SNX29: variants seen among roughly 807,000 people sequenced by gnomAD.
SNX29 encodes sorting nexin-29.
A neutral mutation model predicts 102.1 loss-of-function variants in SNX29; 78 were observed. The observed-to-expected ratio is 0.76, with a 90% CI of 0.64 to 0.92. The LOEUF is 0.92. Among genes scored for constraint, SNX29 ranks in the 40% least tolerant of loss-of-function variants. The pLI, the probability that SNX29 is intolerant of heterozygous loss-of-function variation, is 0.00. For synonymous variants in SNX29, 580 were observed against 414.5 expected, an observed-to-expected ratio of 1.40 and a Z score of -4.85; for missense variants, 1,280 against 1,061.7, an observed-to-expected ratio of 1.21 and a Z score of -2.86.
intron 9 of SNX29, among the ~76,000 whole-genome samples, chr16:12,067,156 G>C (rs1160582263): frequency 6.6e-6 from 1 of 152,070 alleles, no homozygotes; most frequent in Non-Finnish European, 1.5e-5. Context: ...CTGCTCTCCA[G>C]CCTGGGTGAC....
chr16:11,982,145 A>G (rs1033591005), intron 1 of SNX29, among the ~76,000 whole-genome samples: 1 of 152,192 alleles, frequency 6.6e-6, no homozygotes, highest in African/African-American at 2.4e-5. Flanking sequence ...ATATGTATGT[A>G]GACCTAAAAA....
In SNX29 at chr16:12,139,193, T is replaced by TAAAAA. The variant is rs34808071; in HGVS notation, c.1595+9460_1595+9464dup. The stretch of plus-strand genomic sequence containing the variant: ...GAGCCTGGGCGATAGAGCGAGACTC[T>TAAAAA]AAAAAAAAAAAAAAAAAAAAAAAAA... On this transcript the variant is annotated intron_variant, in intron 13 of 20. Coordinates refer to ENST00000566228, the MANE Select transcript of SNX29 (RefSeq NM_032167.5). Among the ~76,000 whole-genome samples, 49 of 66,154 alleles carry TAAAAA rather than the reference T, an allele frequency of 7.4e-4. 1 individual carries two copies. The highest frequency in any genetic ancestry group is 3.1e-3 in the African/African-American group (47 of 15,044). 43.4% of individuals were successfully genotyped at this position (66,154 alleles called of 152,430 possible).
intron 18 of SNX29, among the ~76,000 whole-genome samples, chr16:12,421,271 T>TA (rs1472484043): frequency 2.0e-5 from 3 of 152,196 alleles, no homozygotes; most frequent in African/African-American, 2.4e-5. Flanking sequence ...AGGCTACTCC[T>TA]AAGAGCCAAG....
chr16:12,524,654 C>A, intron 19 of SNX29, 48 bp from the exon 20 acceptor site: 1 of 1,594,092 alleles, frequency 6.3e-7, no homozygotes, highest in Non-Finnish European at 8.6e-7. Flanking sequence ...TCATTTCTGA[C>A]CAGGTGAGGA....
Position 12,048,559 on chromosome 16 carries a change from C to G in SNX29, c.687C>G (p.Ile229Met), listed in dbSNP as rs267604409. The G allele has an allele frequency of 5.0e-6, 8 of 1,613,860 alleles. No individual in the cohort carries two copies. In the South Asian group the frequency reaches 7.7e-5, roughly 16 times the overall value. ...TCACAGCCTCCTCTGCCGTCTCCAT[C>G]CTCATCAAACCTGAACAGGAGACCG... The part of the protein sequence containing the change: ...REITASSAVS[I>M]LIKPEQETDP... Residue 229 changes from isoleucine (I) to methionine (M), a missense_variant, in exon 7 of 21, where the codon ATC becomes ATG. Ile to Met is a conservative substitution (Grantham distance 10, BLOSUM62 1). Coordinates refer to ENST00000566228, the MANE Select transcript of SNX29 (RefSeq NM_032167.5).
chr16:12,205,033 C>T (rs144940846), intron 14 of SNX29, among the ~76,000 whole-genome samples: 1 of 152,308 alleles, frequency 6.6e-6, no homozygotes, highest in African/African-American at 2.4e-5. Context: ...TGTGCTCTGG[C>T]TGGGATGTCA....
At chr16:11,999,391 C>T (rs566380515) in intron 2 of SNX29, 33 bp downstream of exon 2, 14 of 1,607,730 alleles carry the variant, frequency 8.7e-6, no homozygotes, top group Admixed American at 1.7e-5. Context: ...CCTTTTTGGT[C>T]GAGTAATAGT....
At chr16:12,562,107 G>A (rs926815728) in intron 20 of SNX29, among the ~76,000 whole-genome samples, 13 of 152,100 alleles carry the variant, frequency 8.5e-5, no homozygotes, top group Admixed American at 1.3e-4. Context: ...TTCTAAGGCC[G>A]TTCACTCTCC....
At chr16:12,024,532 G>A (rs561091499) in intron 3 of SNX29, among the ~76,000 whole-genome samples, 104 of 152,230 alleles carry the variant, frequency 6.8e-4, no homozygotes, top group African/African-American at 2.3e-3. Context: ...TAAGTAGAAC[G>A]GCCTTTGGCG....
At chr16:12,532,965 G>A (rs2076971953) in intron 20 of SNX29, among the ~76,000 whole-genome samples, 1 of 152,234 alleles carries the variant, frequency 6.6e-6, no homozygotes, top group Admixed American at 6.5e-5. Context: ...CAGGGAGCGG[G>A]TGGCGCAGCA....
At chr16:12,458,497 G>A (rs2086631534) in intron 18 of SNX29, among the ~76,000 whole-genome samples, 1 of 152,122 alleles carries the variant, frequency 6.6e-6, no homozygotes, top group Middle Eastern at 3.2e-3. Context: ...GTAGTTATTT[G>A]AGGGTTTTGT....
chr16:12,506,056 G>T (rs934251932), intron 19 of SNX29, among the ~76,000 whole-genome samples: 1 of 152,154 alleles, frequency 6.6e-6, no homozygotes, highest in African/African-American at 2.4e-5. Context: ...CGCCTCCCAG[G>T]CTCAAGTGAT....
At chr16:12,019,013 A>T (rs574367783) in intron 3 of SNX29, among the ~76,000 whole-genome samples, 2 of 152,196 alleles carry the variant, frequency 1.3e-5, no homozygotes, top group East Asian at 3.9e-4. Flanking sequence ...GCTATATCCA[A>T]GTTTTCTATA....
intron 18 of SNX29, among the ~76,000 whole-genome samples, chr16:12,415,282 G>A (rs2084582125): frequency 6.6e-6 from 1 of 152,226 alleles, no homozygotes; most frequent in Non-Finnish European, 1.5e-5. Context: ...GCTGGGGAGT[G>A]GGCAGGACCC....
At chr16:12,036,960 C>A (rs989169785) in intron 4 of SNX29, among the ~76,000 whole-genome samples, 1 of 152,066 alleles carries the variant, frequency 6.6e-6, no homozygotes, top group African/African-American at 2.4e-5. Context: ...AGGGGGTCTG[C>A]CTTCTCCCAA....
chr16:12,108,355 A>C (rs535241550), intron 11 of SNX29, among the ~76,000 whole-genome samples: 1 of 152,290 alleles, frequency 6.6e-6, no homozygotes, highest in East Asian at 1.9e-4. Flanking sequence ...AGACTCCATG[A>C]TGGTGAGTGG....
chr16:12,428,053 A>C (rs533561804), intron 18 of SNX29, among the ~76,000 whole-genome samples: 11 of 152,336 alleles, frequency 7.2e-5, no homozygotes, highest in African/African-American at 2.6e-4. Context: ...TGAATGTAAG[A>C]GTAGGCCTTA....
intron 11 of SNX29, among the ~76,000 whole-genome samples, chr16:12,088,706 G>T (rs1033868237): frequency 6.6e-6 from 1 of 152,250 alleles, no homozygotes; most frequent in Non-Finnish European, 1.5e-5. Context: ...AGCACTTTGG[G>T]AGGCTGAGGT....
chr16:12,259,380 C>G (rs1243973086), intron 14 of SNX29, among the ~76,000 whole-genome samples: 1 of 152,134 alleles, frequency 6.6e-6, no homozygotes, highest in Non-Finnish European at 1.5e-5. Context: ...TAGCCACTGG[C>G]TAAGAAGGTG....
Sources: allele counts gnomAD v4.1 joint callset (sites outside exome capture counted in the v4.1 genomes callset), GRCh38; gene constraint gnomAD v4.1.1; transcripts MANE v1.5; gene names NCBI Gene and HGNC (gene_info 2026-07-23, HGNC 2026-07-21).